ENOX1: variants seen among roughly 807,000 people sequenced by gnomAD.
ENOX1 encodes candidate growth-related and time keeping constitutive hydroquinone (NADH) oxidase.
In ENOX1, 42 loss-of-function variants were observed where a neutral mutation model predicts 82.5. That is an observed-to-expected ratio of 0.51 (90% confidence interval 0.40 to 0.66). ENOX1 has a LOEUF of 0.66. Ranked by LOEUF, ENOX1 falls within the 30% of genes least tolerant of loss-of-function variation. The pLI, the probability that ENOX1 is intolerant of heterozygous loss-of-function variation, is 0.00. For missense variants in ENOX1, 608 were observed against 811.6 expected, an observed-to-expected ratio of 0.75 and a Z score of 3.05; for synonymous variants, 271 against 282.2, an observed-to-expected ratio of 0.96 and a Z score of 0.40.
intron 2 of ENOX1, among the ~76,000 whole-genome samples, chr13:43,557,109 A>C (rs1318272527): frequency 3.9e-5 from 6 of 152,218 alleles, no homozygotes; most frequent in Non-Finnish European, 2.9e-5. Flanking sequence ...CCCAACACGC[A>C]GGAAAGACAG....
At chr13:43,268,727 A>G (rs1464383362) in intron 13 of ENOX1, among the ~76,000 whole-genome samples, 1 of 152,206 alleles carries the variant, frequency 6.6e-6, no homozygotes. Flanking sequence ...GATTACTCAC[A>G]GAGGGTTGGG....
intron 5 of ENOX1, among the ~76,000 whole-genome samples, chr13:43,405,874 C>A (rs2053763662): frequency 6.6e-6 from 1 of 152,250 alleles, no homozygotes; most frequent in Non-Finnish European, 1.5e-5. Context: ...GCTTAACTTT[C>A]TTCAGTGACA....
At chr13:43,244,678 A>G (rs1342461945) in intron 14 of ENOX1, among the ~76,000 whole-genome samples, 1 of 152,168 alleles carries the variant, frequency 6.6e-6, no homozygotes, top group Non-Finnish European at 1.5e-5. Flanking sequence ...GACTTCCCCT[A>G]TGACCCTCCA....
At chr13:43,539,488 T>C (rs2078617327) in intron 2 of ENOX1, among the ~76,000 whole-genome samples, 1 of 152,204 alleles carries the variant, frequency 6.6e-6, no homozygotes, top group Non-Finnish European at 1.5e-5. Flanking sequence ...AAGATTTTGC[T>C]GTTGTTTTCA....
chr13:43,362,546 C>T (rs893392350), intron 5 of ENOX1, among the ~76,000 whole-genome samples: 3 of 152,114 alleles, frequency 2.0e-5, no homozygotes, highest in Admixed American at 6.5e-5. Context: ...CCTTCCTGCC[C>T]GCCACCCCTG....
chr13:43,604,459 G>C (rs535480331), intron 2 of ENOX1, among the ~76,000 whole-genome samples: 1 of 152,166 alleles, frequency 6.6e-6, no homozygotes, highest in East Asian at 1.9e-4. Context: ...ACTAGCTGTT[G>C]GTTGGTTATG....
At chr13:43,712,110 G>A (rs2087763196) in intron 1 of ENOX1, among the ~76,000 whole-genome samples, 1 of 151,156 alleles carries the variant, frequency 6.6e-6, no homozygotes, top group Non-Finnish European at 1.5e-5. Flanking sequence ...AAGGTGTAAG[G>A]AAGGGATCCA....
In ENOX1 at chr13:43,304,128, G is replaced by A. The variant is rs572921872; in HGVS notation, c.1262-5598C>T. On this transcript the variant is annotated intron_variant, in intron 11 of 16. Coordinates refer to ENST00000690772, the MANE Select transcript of ENOX1 (RefSeq NM_001347969.2). ...AGGTCCCATGAGCTCAGCTTGCCCC[G>A]TGCCCTGGCTATCTCCTATGGAAGA... Among the ~76,000 whole-genome samples, 20 of 152,296 alleles carry A rather than the reference G, an allele frequency of 1.3e-4. No homozygotes were observed. In the South Asian group the frequency reaches 3.3e-3, roughly 25 times the overall value.
chr13:43,295,350 T>C (rs1237337070), intron 12 of ENOX1, among the ~76,000 whole-genome samples: 2 of 152,164 alleles, frequency 1.3e-5, no homozygotes, highest in African/African-American at 4.8e-5. Flanking sequence ...TATTATTAAA[T>C]TGTGACTCAC....
intron 3 of ENOX1, among the ~76,000 whole-genome samples, chr13:43,425,276 A>AC (rs1447221046): frequency 6.6e-6 from 1 of 151,770 alleles, no homozygotes; most frequent in East Asian, 1.9e-4. Flanking sequence ...GGAGGCTCCC[A>AC]CCCCCATCAA....
At chr13:43,357,628 T>G (rs1231903018) in intron 7 of ENOX1, among the ~76,000 whole-genome samples, 1 of 152,170 alleles carries the variant, frequency 6.6e-6, no homozygotes, top group Non-Finnish European at 1.5e-5. Context: ...CTGTTTAAAC[T>G]GGCCAGCTAT....
At chr13:43,657,774 A>G (rs550927575) in intron 2 of ENOX1, among the ~76,000 whole-genome samples, 1 of 152,212 alleles carries the variant, frequency 6.6e-6, no homozygotes, top group Non-Finnish European at 1.5e-5. Flanking sequence ...ATCGTCTTTT[A>G]CTGGCATCCA....
intron 5 of ENOX1, among the ~76,000 whole-genome samples, chr13:43,405,737 C>T (rs2053756654): frequency 6.6e-6 from 1 of 152,220 alleles, no homozygotes; most frequent in East Asian, 1.9e-4. Flanking sequence ...GCTGGCATTA[C>T]TGCCATCACT....
chr13:43,559,462 T>TA (rs1169754084), intron 2 of ENOX1, among the ~76,000 whole-genome samples: 1 of 152,200 alleles, frequency 6.6e-6, no homozygotes, highest in Admixed American at 6.5e-5. Flanking sequence ...GACTTAAAAC[T>TA]AAGTCTATGG....
At chr13:43,566,494 T>C (rs1164404108) in intron 2 of ENOX1, among the ~76,000 whole-genome samples, 1 of 152,068 alleles carries the variant, frequency 6.6e-6, no homozygotes, top group African/African-American at 2.4e-5. Flanking sequence ...AATAAATATA[T>C]TTTATTTCTG....
chr13:43,505,706 G>C (rs566761906), intron 2 of ENOX1, among the ~76,000 whole-genome samples: 1 of 152,070 alleles, frequency 6.6e-6, no homozygotes, highest in Non-Finnish European at 1.5e-5. Context: ...TAGGTTGCCT[G>C]TTCACTCTGA....
chr13:43,641,719 G>C (rs1430261749), intron 2 of ENOX1, among the ~76,000 whole-genome samples: 1 of 151,490 alleles, frequency 6.6e-6, no homozygotes, highest in Non-Finnish European at 1.5e-5. Flanking sequence ...TTTTTTAGTA[G>C]AGATGGGGTT....
chr13:43,710,707 T>C (rs1010973481), intron 1 of ENOX1, among the ~76,000 whole-genome samples: 3 of 151,948 alleles, frequency 2.0e-5, no homozygotes, highest in Admixed American at 6.6e-5. Flanking sequence ...GCTGAACCAA[T>C]AGATAAGAAT....
At chr13:43,416,490 TCCC>T in intron 3 of ENOX1, among the ~76,000 whole-genome samples, 1 of 132,082 alleles carries the variant, frequency 7.6e-6, no homozygotes, top group African/African-American at 2.9e-5. Context: ...GCTCCTCACT[TCCC>T]AGATGATGGG....
Sources: allele counts gnomAD v4.1 joint callset (sites outside exome capture counted in the v4.1 genomes callset), GRCh38; gene constraint gnomAD v4.1.1; transcripts MANE v1.5; gene names NCBI Gene and HGNC (gene_info 2026-07-23, HGNC 2026-07-21).